The following CD99 variants were observed in gnomAD, a reference collection of about 807,000 sequenced individuals.
The protein encoded by CD99 is CD99 molecule (Xg blood group), also known as CD99 antigen.
Under a neutral mutation model 28.4 loss-of-function variants are expected in CD99, and 19 were observed. The observed-to-expected ratio is 0.67, with a 90% CI of 0.47 to 0.98. CD99 has a LOEUF of 0.98. Ranked by LOEUF, CD99 falls within the 50% of genes least tolerant of loss-of-function variation. The pLI is 0.00. For missense variants in CD99, 283 were observed against 248.8 expected (o/e 1.14, Z -0.92); for synonymous variants, 103 against 92.1 (o/e 1.12, Z -0.67).
At chrX:2,703,097 G>A (rs1569428068) in intron 1 of CD99, among the ~76,000 whole-genome samples, 1 of 152,126 alleles carries the variant, frequency 6.6e-6, no homozygotes, top group Non-Finnish European at 1.5e-5. Context: ...CCAGAATTGA[G>A]CTTCTCAATA....
chrX:2,731,318 G>A (rs1409238360), intron 8 of CD99, among the ~76,000 whole-genome samples: 3 of 152,184 alleles, frequency 2.0e-5, no homozygotes, highest in Admixed American at 1.3e-4. Context: ...GGCCAGGCGC[G>A]GTGGCTTACG....
At chrX:2,729,459 G>A (rs1287588893) in intron 8 of CD99, among the ~76,000 whole-genome samples, 1 of 152,066 alleles carries the variant, frequency 6.6e-6, no homozygotes, top group African/African-American at 2.4e-5. Context: ...TGGCAGAAGG[G>A]GACGCAAGGC....
rs930454604 is a variant in CD99 at position 2,726,350 on chromosome X, A to G, written c.452A>G (p.Lys151Arg). The G allele has an allele frequency of 5.6e-6, 9 of 1,609,206 alleles. No homozygotes were observed. Among genetic ancestry groups the G allele is most frequent in the East Asian group, 4.5e-5 (2 of 44,886 alleles). Residue 151 changes from lysine to arginine, a missense_variant, in exon 8 of 10, where the codon AAG becomes AGG. Lys to Arg is a conservative substitution (Grantham distance 26, BLOSUM62 2). Coordinates refer to ENST00000381192, the MANE Select transcript of CD99 (RefSeq NM_002414.5). ...AISSFIAYQK[K>R]KLCFKENAEQ... ...TCTAGCTTCATTGCTTACCAGAAAA[A>G]GAAGCTATGCTTCAAAGAAAATGGT...
intron 1 of CD99, among the ~76,000 whole-genome samples, chrX:2,700,461 C>T (rs1176945115): frequency 6.6e-6 from 1 of 151,856 alleles, no homozygotes; most frequent in African/African-American, 2.4e-5. Flanking sequence ...TCCATCCGTT[C>T]GTCCATCCAT....
chrX:2,733,258 T>C (rs1415833094), intron 8 of CD99: 4 of 1,265,350 alleles, frequency 3.2e-6, no homozygotes, highest in East Asian at 5.0e-5. Context: ...TTCTAACACC[T>C]CCCTGCTGCT....
chrX:2,738,262 A>G lies in CD99; in HGVS notation c.532+6A>G. On this transcript the variant is annotated splice_donor_region_variant and intron_variant, in intron 9 of 9. Coordinates refer to ENST00000381192, the MANE Select transcript of CD99 (RefSeq NM_002414.5). ...TGCCAACGCAGAGCCAGCTGGTAAG[A>G]AGGACGGGGAACGATGGCTTGCACA... is the stretch of plus-strand genomic sequence containing the variant. The G allele has an allele frequency of 3.2e-5, 51 of 1,613,782 alleles. No individual in the cohort carries two copies. Among genetic ancestry groups the G allele is most frequent in the Non-Finnish European group, 4.3e-5 (51 of 1,179,756 alleles).
At chrX:2,737,896 G>T in intron 8 of CD99, 2 of 572,606 alleles carry the variant, frequency 3.5e-6, no homozygotes, top group Non-Finnish European at 6.4e-6. Flanking sequence ...GCTTCCATGT[G>T]CGTGTTCCTC....
Position 2,741,177 on chromosome X carries a change from G to A in CD99, c.*373G>A. On this transcript the variant is annotated 3_prime_UTR_variant, in exon 10 of 10. Coordinates refer to ENST00000381192, the MANE Select transcript of CD99 (RefSeq NM_002414.5). ...AATCACGTGTCCATCGAGCACGTCT[G>A]AAACCCCTGGTAGCCCCGACTTCTT... 3.7e-6 allele frequency: 1 copy of A among 273,954 alleles called. No individual in the cohort carries two copies. The highest frequency in any genetic ancestry group is 1.3e-4 in the South Asian group (1 of 7,610). The allele number at this position is 273,954 out of a possible 1,614,324, so 17.0% of individuals were successfully genotyped here.
At chrX:2,698,211 C>G (rs1344236982) in intron 1 of CD99, among the ~76,000 whole-genome samples, 5 of 150,090 alleles carry the variant, frequency 3.3e-5, no homozygotes, top group African/African-American at 1.2e-4. Context: ...TTAGACTTGC[C>G]CAGGCCGGAG....
intron 1 of CD99, among the ~76,000 whole-genome samples, chrX:2,701,585 GCCTC>G (rs67856305): frequency 0.58 from 88,226 of 151,444 alleles, 26,022 homozygotes; most frequent in African/African-American, 0.68. Context: ...AAGAGGAAGG[GCCTC>G]TTCTCAGCCT....
intron 1 of CD99, chrX:2,692,043 C>A: frequency 1.6e-6 from 1 of 643,560 alleles, no homozygotes; most frequent in Non-Finnish European, 2.8e-6. Flanking sequence ...GAAACGTGTG[C>A]TTACCAAATT....
At chrX:2,698,959 C>G (rs945276732) in intron 1 of CD99, among the ~76,000 whole-genome samples, 1 of 149,752 alleles carries the variant, frequency 6.7e-6, no homozygotes, top group African/African-American at 2.5e-5. Flanking sequence ...CAAGATTTTG[C>G]TCTGTCACCC....
At chrX:2,698,340 A>C (rs2047675281) in intron 1 of CD99, among the ~76,000 whole-genome samples, 1 of 151,744 alleles carries the variant, frequency 6.6e-6, no homozygotes, top group Admixed American at 6.6e-5. Flanking sequence ...CTAATTTTTA[A>C]AATCTTTTTG....
At chrX:2,734,784 TTC>T (rs1414033760) in intron 8 of CD99, among the ~76,000 whole-genome samples, 1 of 151,846 alleles carries the variant, frequency 6.6e-6, no homozygotes, top group Admixed American at 6.6e-5. Context: ...TTCTTTTTTT[TTC>T]TTATTTTCCT....
chrX:2,691,309 CT>C lies in CD99; in HGVS notation c.-50del. 1 of 1,468,414 alleles carries C rather than the reference CT, an allele frequency of 6.8e-7. No homozygotes were observed. The highest frequency in any genetic ancestry group is 9.0e-7 in the Non-Finnish European group (1 of 1,106,796). 91.0% of individuals were successfully genotyped at this position (1,468,414 alleles called of 1,614,324 possible). A position where few individuals can be genotyped will look rare whatever the true frequency, so the allele number is the denominator to read the frequency against. ...CGTGGGGGAGTATCTGTCCTGCCGC[CT>C]TCGCCCACGCCCTGCACTCCGGGAC... On this transcript the variant is annotated 5_prime_UTR_variant, in exon 1 of 10. Transcript: ENST00000381192.
At chrX:2,699,724 T>C (rs1368682545) in intron 1 of CD99, among the ~76,000 whole-genome samples, 2 of 152,120 alleles carry the variant, frequency 1.3e-5, no homozygotes, top group Non-Finnish European at 2.9e-5. Flanking sequence ...GGCAAAGTCT[T>C]GGGTTTATAG....
chrX:2,718,644 C>T (rs1411086216), intron 3 of CD99, among the ~76,000 whole-genome samples: 2 of 152,256 alleles, frequency 1.3e-5, no homozygotes, highest in African/African-American at 2.4e-5. Context: ...GCTGGGATTA[C>T]GGGCATGAGC....
intron 1 of CD99, among the ~76,000 whole-genome samples, chrX:2,705,461 T>C (rs943029568): frequency 6.6e-6 from 1 of 152,216 alleles, no homozygotes; most frequent in African/African-American, 2.4e-5. Context: ...AAATGATGTG[T>C]TTATTTCTTT....
intron 1 of CD99, among the ~76,000 whole-genome samples, chrX:2,709,402 ACAGG>A (rs2124523660): frequency 6.6e-6 from 1 of 152,376 alleles, no homozygotes; most frequent in East Asian, 1.9e-4. Context: ...ACACAAGCAC[ACAGG>A]CAAACACGCA....
Sources: allele counts gnomAD v4.1 joint callset (sites outside exome capture counted in the v4.1 genomes callset), GRCh38; gene constraint gnomAD v4.1.1; transcripts MANE v1.5; gene names NCBI Gene and HGNC (gene_info 2026-07-23, HGNC 2026-07-21).